The following CNTN1 variants were observed in gnomAD, a reference collection of about 807,000 sequenced individuals.
CNTN1 encodes contactin 1.
CNTN1 carries 38 observed loss-of-function variants against 126.4 expected under a neutral mutation model. That is an observed-to-expected ratio of 0.30 (90% confidence interval 0.23 to 0.39). The LOEUF is 0.39. Ranked by LOEUF, CNTN1 falls within the 10% of genes least tolerant of loss-of-function variation. The probability of loss-of-function intolerance (pLI) is 1.00; values close to 1 mark genes in which losing one functional copy is unlikely to be tolerated. For synonymous variants in CNTN1, 413 were observed against 422.6 expected, an observed-to-expected ratio of 0.98 and a Z score of 0.28; for missense variants, 1,009 against 1,248.4, an observed-to-expected ratio of 0.81 and a Z score of 2.89.
intron 10 of CNTN1, among the ~76,000 whole-genome samples, chr12:40,937,124 C>T (rs919839192): frequency 2.0e-5 from 3 of 151,948 alleles, no homozygotes; most frequent in African/African-American, 4.8e-5. Flanking sequence ...TCTCTCTCTC[C>T]TTATTTTTTT....
intron 15 of CNTN1, chr12:40,978,751 C>T (rs1947747486): frequency 1.3e-5 from 2 of 152,124 alleles, no homozygotes; most frequent in South Asian, 4.1e-4. Flanking sequence ...TTTGACACCT[C>T]AAGAACATCA....
chr12:40,910,080 A>G lies in CNTN1; in HGVS notation c.69A>G (p.Thr23=), dbSNP rs771611333. 6.2e-7 allele frequency: 1 copy of G among 1,606,724 alleles called. No individual in the cohort carries two copies. The highest frequency in any genetic ancestry group is 8.5e-7 in the Non-Finnish European group (1 of 1,174,258). The part of the protein sequence containing the change: ...ISITTCLAEF[T]WYRRYGHGVS... ...TTTTTCTTTCATTTTTAGAGTTTAC[A>G]TGGTATAGAAGATATGGTCATGGAG... The change falls in exon 3 of 24, where the codon ACA becomes ACG. Residue 23 remains threonine (T), a synonymous_variant. Coordinates refer to ENST00000551295, the MANE Select transcript of CNTN1 (RefSeq NM_001843.4).
chr12:40,977,451 A>G (rs985558157), intron 15 of CNTN1, among the ~76,000 whole-genome samples: 1 of 151,966 alleles, frequency 6.6e-6, no homozygotes, highest in Non-Finnish European at 1.5e-5. Flanking sequence ...TTTTCAGGTT[A>G]CTTTTGGACT....
chr12:40,960,469 A>T (rs1249073315), intron 15 of CNTN1, among the ~76,000 whole-genome samples: 1 of 151,986 alleles, frequency 6.6e-6, no homozygotes, highest in Non-Finnish European at 1.5e-5. Context: ...ACTCAATCTC[A>T]TGCAGCTCCT....
chr12:40,791,402 C>T (rs10879192), intron 1 of CNTN1, among the ~76,000 whole-genome samples: 80,306 of 151,812 alleles, frequency 0.53, 21,554 homozygotes, highest in East Asian at 0.66. Flanking sequence ...AAATTTACCA[C>T]TTGAATTGTT....
At chr12:40,706,958 A>G (rs983430599) in intron 1 of CNTN1, among the ~76,000 whole-genome samples, 1 of 152,180 alleles carries the variant, frequency 6.6e-6, no homozygotes, top group Admixed American at 6.5e-5. Context: ...AGCACATTCC[A>G]GAAACAAAAA....
intron 1 of CNTN1, among the ~76,000 whole-genome samples, chr12:40,831,864 A>G (rs571240873): frequency 6.6e-6 from 1 of 152,318 alleles, no homozygotes; most frequent in East Asian, 1.9e-4. Flanking sequence ...AGGGGGAAAA[A>G]GATAAAACAT....
intron 5 of CNTN1, among the ~76,000 whole-genome samples, chr12:40,922,745 G>T (rs1233563726): frequency 6.6e-6 from 1 of 152,100 alleles, no homozygotes; most frequent in Non-Finnish European, 1.5e-5. Context: ...GGCTGAGGCT[G>T]GTGGATCATG....
At chr12:40,959,024 G>A (rs951678872) in intron 14 of CNTN1, 90 bp from the exon 15 acceptor site, 3 of 1,520,422 alleles carry the variant, frequency 2.0e-6, no homozygotes, top group African/African-American at 2.8e-5. Context: ...TGTTCATTTT[G>A]TTAGGGGAAA....
rs1946191080 is a variant in CNTN1 at position 40,939,462 on chromosome 12, A to G, written c.1356A>G (p.Thr452=). ...CAAAGTTTTCATGGAGTAAAGGGAC[A>G]GAGTGGCTTGTCAATAGCAGCAGGT... ...PKPKFSWSKG[T]EWLVNSSRIL... The change falls in exon 12 of 24, where the codon ACA becomes ACG. Residue 452 remains threonine, a synonymous_variant. Coordinates refer to ENST00000551295, the MANE Select transcript of CNTN1 (RefSeq NM_001843.4). The G allele has an allele frequency of 6.8e-6, 11 of 1,613,922 alleles. No individual in the cohort carries two copies. Among genetic ancestry groups the G allele is most frequent in the Non-Finnish European group, 8.5e-6 (10 of 1,179,918 alleles).
At chr12:40,785,853 A>G (rs1422934618) in intron 1 of CNTN1, among the ~76,000 whole-genome samples, 1 of 152,154 alleles carries the variant, frequency 6.6e-6, no homozygotes, top group Non-Finnish European at 1.5e-5. Flanking sequence ...TAACTAACTG[A>G]GGGAGGTTCA....
At chr12:40,993,576 TAA>T (rs1948143883) in intron 17 of CNTN1, among the ~76,000 whole-genome samples, 1 of 147,856 alleles carries the variant, frequency 6.8e-6, no homozygotes, top group Non-Finnish European at 1.5e-5. Flanking sequence ...TGGAATGACG[TAA>T]GTATTTAGAT....
chr12:40,877,384 T>C (rs1407335762), intron 1 of CNTN1, among the ~76,000 whole-genome samples: 1 of 152,190 alleles, frequency 6.6e-6, no homozygotes, highest in Non-Finnish European at 1.5e-5. Context: ...GATTATTTCC[T>C]CTGAAAGTAC....
intron 14 of CNTN1, among the ~76,000 whole-genome samples, chr12:40,947,994 G>A (rs1946498343): frequency 6.6e-6 from 1 of 151,700 alleles, no homozygotes; most frequent in Admixed American, 6.6e-5. Flanking sequence ...TGGTGACTCT[G>A]ATCCAGGGAT....
intron 1 of CNTN1, among the ~76,000 whole-genome samples, chr12:40,734,838 C>A (rs17539379): frequency 0.055 from 8,287 of 152,050 alleles, 313 homozygotes; most frequent in Non-Finnish European, 0.08. Flanking sequence ...GGTCAGGAAA[C>A]CTTGAAGGAA....
At chr12:41,029,509 T>C (rs548618963) in intron 23 of CNTN1, among the ~76,000 whole-genome samples, 24 of 152,316 alleles carry the variant, frequency 1.6e-4, no homozygotes, top group African/African-American at 5.1e-4. Flanking sequence ...GTATGGAACA[T>C]ATTAGTTTAT....
At chr12:40,701,699 A>G (rs1941599652) in intron 1 of CNTN1, among the ~76,000 whole-genome samples, 1 of 152,158 alleles carries the variant, frequency 6.6e-6, no homozygotes, top group African/African-American at 2.4e-5. Context: ...GAGCATAACA[A>G]CTTTCAGATT....
intron 1 of CNTN1, among the ~76,000 whole-genome samples, chr12:40,775,965 T>A (rs549425501): frequency 1.3e-5 from 2 of 151,760 alleles, no homozygotes; most frequent in Non-Finnish European, 3.0e-5. Context: ...AGATTTTTAA[T>A]AGTATAAAAC....
At chr12:40,884,046 T>G (rs1943954208) in intron 1 of CNTN1, among the ~76,000 whole-genome samples, 1 of 151,426 alleles carries the variant, frequency 6.6e-6, no homozygotes, top group South Asian at 2.1e-4. Flanking sequence ...CATGCTTTGG[T>G]GTTATTTATG....
Sources: gnomAD v4.1 joint callset for allele counts (sites outside exome capture counted in the v4.1 genomes callset) on GRCh38, gnomAD v4.1.1 for gene constraint, MANE v1.5 for transcripts, NCBI Gene and HGNC (gene_info 2026-07-23, HGNC 2026-07-21) for gene names.